The following GTF2E2 variants were observed in gnomAD, a reference collection of about 807,000 sequenced individuals.
GTF2E2 encodes transcription initiation factor IIE subunit beta.
GTF2E2 carries 21 observed loss-of-function variants against 40.5 expected under a neutral mutation model. The ratio of observed to expected loss-of-function variants is 0.52; its 90% confidence interval spans 0.37 to 0.75. The LOEUF (loss-of-function observed/expected upper bound fraction) is 0.75. Ranked by LOEUF, GTF2E2 falls within the 30% of genes least tolerant of loss-of-function variation. GTF2E2 has a pLI of 0.00. For missense variants in GTF2E2, 298 were observed against 338.4 expected, an observed-to-expected ratio of 0.88 and a Z score of 0.94; for synonymous variants, 117 against 121.6, an observed-to-expected ratio of 0.96 and a Z score of 0.25.
chr8:30,637,781 A>G (rs1468703753), intron 2 of GTF2E2, among the ~76,000 whole-genome samples: 1 of 152,184 alleles, frequency 6.6e-6, no homozygotes, highest in African/African-American at 2.4e-5. Context: ...TCAGCCTCTC[A>G]AAGTGCTGGG....
chr8:30,622,434 A>T (rs2979490), intron 3 of GTF2E2, among the ~76,000 whole-genome samples: 2 of 151,596 alleles, frequency 1.3e-5, no homozygotes, highest in African/African-American at 2.4e-5. Context: ...GCTTCACAAG[A>T]TAATAGAGTA....
At chr8:30,611,661 G>A (rs1829479368) in intron 5 of GTF2E2, among the ~76,000 whole-genome samples, 1 of 152,102 alleles carries the variant, frequency 6.6e-6, no homozygotes, top group South Asian at 2.1e-4. Context: ...GAGCCTCAGG[G>A]ACTTGTAGTA....
intron 6 of GTF2E2, among the ~76,000 whole-genome samples, chr8:30,601,132 T>G (rs972611350): frequency 1.3e-5 from 2 of 152,262 alleles, no homozygotes; most frequent in East Asian, 3.9e-4. Flanking sequence ...TTACCCAAGG[T>G]TCCTGTAAAT....
intron 2 of GTF2E2, chr8:30,643,834 G>T (rs778106585): frequency 1.3e-5 from 2 of 151,702 alleles, no homozygotes; most frequent in Admixed American, 6.6e-5. Context: ...AAGTACATGG[G>T]GTTCATACTA....
At chr8:30,592,861 G>A (rs1828889383) in intron 6 of GTF2E2, among the ~76,000 whole-genome samples, 1 of 152,088 alleles carries the variant, frequency 6.6e-6, no homozygotes, top group Admixed American at 6.6e-5. Flanking sequence ...TGTTTTGTGG[G>A]CCAGAATACC....
chr8:30,615,509 GATT>G (rs1380696381), intron 3 of GTF2E2, among the ~76,000 whole-genome samples: 1 of 152,170 alleles, frequency 6.6e-6, no homozygotes, highest in Non-Finnish European at 1.5e-5. Context: ...TTAGAAGACA[GATT>G]AACTACAGCA....
chr8:30,613,628 T>C (rs1014573382), intron 4 of GTF2E2, among the ~76,000 whole-genome samples: 2 of 152,254 alleles, frequency 1.3e-5, no homozygotes, highest in Non-Finnish European at 2.9e-5. Context: ...TGGATTACCA[T>C]TGTTTGTGTA....
chr8:30,625,009 T>A (rs1187416087), intron 3 of GTF2E2, among the ~76,000 whole-genome samples: 3 of 151,876 alleles, frequency 2.0e-5, no homozygotes, highest in Non-Finnish European at 4.4e-5. Context: ...TTCTTTCTCC[T>A]GCCTGATTGC....
At chr8:30,650,353 GA>G (rs1802231650) in intron 2 of GTF2E2, among the ~76,000 whole-genome samples, 1 of 151,992 alleles carries the variant, frequency 6.6e-6, no homozygotes, top group Non-Finnish European at 1.5e-5. Context: ...CATCTCATTA[GA>G]TACATAAAAA....
At position 30,624,876 on chromosome 8, in the gene GTF2E2, TG is replaced by T. The variant is rs541033825; in HGVS notation, c.258+10155del. On this transcript the variant is annotated intron_variant, in intron 3 of 7. Coordinates refer to ENST00000355904, the MANE Select transcript of GTF2E2 (RefSeq NM_002095.6). ...TTGATTTTGTATCCTGAGACTTTGC[TG>T]AAGTTGCTTATCAGCTTAAGGAGAT... Among the ~76,000 whole-genome samples, 64 of 152,174 alleles carry T rather than the reference TG, an allele frequency of 4.2e-4. 1 individual carries two copies. The East Asian group carries it at 0.012, about 28-fold the overall frequency.
At chr8:30,645,360 T>C in intron 2 of GTF2E2, 1 of 1,535,682 alleles carries the variant, frequency 6.5e-7, no homozygotes, top group Non-Finnish European at 8.7e-7. Context: ...ATCAGTACCT[T>C]GGTTTTCAAG....
chr8:30,656,345 T>C (rs1177705825), intron 1 of GTF2E2, among the ~76,000 whole-genome samples: 1 of 152,102 alleles, frequency 6.6e-6, no homozygotes, highest in East Asian at 1.9e-4. Context: ...CTGAGGAAAG[T>C]AGGAGACAGC....
At position 30,652,165 on chromosome 8, in the gene GTF2E2, G is replaced by A. The variant is rs141025628; in HGVS notation, c.166+1268C>T. Among the ~76,000 whole-genome samples, 1,142 of 152,234 alleles carry A rather than the reference G, an allele frequency of 7.5e-3. 4 individuals are homozygous for A. The highest frequency in any genetic ancestry group is 0.013 in the Admixed American group (197 of 15,300). ...ATTTTCATGACCTGTGTCAGGCAAA[G>A]ATTTCTTAGATATGACACCAAGAAT... On this transcript the variant is annotated intron_variant, in intron 2 of 7. Coordinates refer to ENST00000355904, the MANE Select transcript of GTF2E2 (RefSeq NM_002095.6).
chr8:30,635,590 C>T (rs1020747946), intron 2 of GTF2E2, among the ~76,000 whole-genome samples: 2 of 151,926 alleles, frequency 1.3e-5, no homozygotes, highest in African/African-American at 4.8e-5. Flanking sequence ...GCCATGTTGC[C>T]CAGGCTGGTC....
rs761565129 is a variant in GTF2E2 at position 30,653,453 on chromosome 8, G to A, written c.146C>T (p.Ser49Leu). 1.2e-6 allele frequency: 2 copies of A among 1,613,358 alleles called. No homozygotes were observed. The highest frequency in any genetic ancestry group is 1.7e-5 in the Admixed American group (1 of 59,894). ...KKTKVEHGGS[S>L]GSKQNSDHSN... ...CTAACCAGAATTTTGTTTAGAGCCT[G>A]ACGATCCTCCATGTTCTACCTTTGT... is the stretch of plus-strand genomic sequence containing the variant. The change falls in exon 2 of 8, where the codon TCA becomes TTA. Residue 49 changes from serine to leucine, a missense_variant. By Grantham distance (145) the Ser-to-Leu change is moderately radical. Transcript: ENST00000355904.
At chr8:30,616,051 A>G (rs1800909206) in intron 3 of GTF2E2, among the ~76,000 whole-genome samples, 1 of 152,218 alleles carries the variant, frequency 6.6e-6, no homozygotes, top group Non-Finnish European at 1.5e-5. Flanking sequence ...AATACATATT[A>G]CTAAGGGAAA....
chr8:30,591,184 C>T (rs1320971799), intron 6 of GTF2E2, among the ~76,000 whole-genome samples: 1 of 152,116 alleles, frequency 6.6e-6, no homozygotes, highest in African/African-American at 2.4e-5. Flanking sequence ...ACACATTTTG[C>T]CAAATGAAAT....
chr8:30,645,616 C>A, intron 2 of GTF2E2: 2 of 1,513,526 alleles, frequency 1.3e-6, no homozygotes, highest in South Asian at 1.2e-5. Context: ...AGAAGATGAA[C>A]AAAATCTCTG....
At position 30,626,908 on chromosome 8, in the gene GTF2E2, C is replaced by A. The variant is rs116624898; in HGVS notation, c.258+8124G>T. ...TAGAAATCACAGCTACTGGACAAGT[C>A]AAGGTACTTACTGGAATCTCAGAGT... On this transcript the variant is annotated intron_variant, in intron 3 of 7. Transcript: ENST00000355904. Among the ~76,000 whole-genome samples, 155 of 152,322 alleles carry A rather than the reference C, an allele frequency of 1.0e-3. 1 individual carries two copies. Among genetic ancestry groups the A allele is most frequent in the African/African-American group, 3.6e-3 (148 of 41,578 alleles).
Sources: allele counts gnomAD v4.1 joint callset (sites outside exome capture counted in the v4.1 genomes callset), GRCh38; gene constraint gnomAD v4.1.1; transcripts MANE v1.5; gene names NCBI Gene and HGNC (gene_info 2026-07-23, HGNC 2026-07-21).